Variants in THRB observed in about 807,000 individuals in gnomAD.
THRB encodes thyroid hormone receptor beta.
THRB carries 12 observed loss-of-function variants against 47.8 expected under a neutral mutation model. The ratio of observed to expected loss-of-function variants is 0.25; its 90% CI spans 0.16 to 0.41. The LOEUF (loss-of-function observed/expected upper bound fraction) is 0.41, where lower values mean the gene tolerates loss of function less well. Ranked by LOEUF, THRB falls within the 10% of genes least tolerant of loss-of-function variation. THRB has a pLI of 1.00. For missense variants in THRB, 348 were observed against 589.2 expected, an observed-to-expected ratio of 0.59 and a Z score of 4.24; for synonymous variants, 218 against 212.2, an observed-to-expected ratio of 1.03 and a Z score of -0.24.
chr3:24,494,959 G>A (rs1332259639), upstream of THRB: 2 of 152,414 alleles, frequency 1.3e-5, no homozygotes, highest in Non-Finnish European at 2.9e-5. Context: ...CCTGCAAAAT[G>A]TCAACTCCTT....
chr3:24,178,177 C>A (rs1360333442), intron 5 of THRB, among the ~76,000 whole-genome samples: 2 of 152,164 alleles, frequency 1.3e-5, no homozygotes, highest in Non-Finnish European at 2.9e-5. Flanking sequence ...GCCAGCTCAC[C>A]AGTAAAGATC....
At chr3:24,195,365 T>C (rs2043834614) in intron 4 of THRB, among the ~76,000 whole-genome samples, 2 of 152,242 alleles carry the variant, frequency 1.3e-5, no homozygotes, top group African/African-American at 4.8e-5. Context: ...GTTCTCCTTA[T>C]CGCCCTTAGT....
intron 1 of THRB, among the ~76,000 whole-genome samples, chr3:24,481,320 G>GAC (rs61321734): frequency 0.03 from 4,320 of 145,836 alleles, 201 homozygotes; most frequent in African/African-American, 0.11. Context: ...TATAATGCAG[G>GAC]ACAGCAGGGC....
chr3:24,409,618 C>T (rs1390836490), intron 1 of THRB, among the ~76,000 whole-genome samples: 2 of 151,740 alleles, frequency 1.3e-5, no homozygotes, highest in African/African-American at 4.8e-5. Context: ...ATTAAATGAA[C>T]TAATCCATGA....
At chr3:24,394,275 G>C (rs1213802421) in intron 1 of THRB, among the ~76,000 whole-genome samples, 1 of 152,114 alleles carries the variant, frequency 6.6e-6, no homozygotes, top group Non-Finnish European at 1.5e-5. Context: ...CCCCTCTTAA[G>C]CCAGGAGTGC....
chr3:24,276,356 CCAAA>C (rs2053914935), intron 3 of THRB, among the ~76,000 whole-genome samples: 1 of 152,150 alleles, frequency 6.6e-6, no homozygotes, highest in Admixed American at 6.6e-5. Context: ...AATGCATTCA[CCAAA>C]CATTTATTAA....
chr3:24,118,973 GTTTTTTTTTTTTT>G lies in THRB; in HGVS notation c.*3898_*3910del, dbSNP rs559325556. 5.0e-4 allele frequency: 25 copies of G among 49,530 alleles called. No homozygotes were observed. The highest frequency in any genetic ancestry group is 1.7e-3 in the East Asian group (2 of 1,180). The allele number at this position is 49,530 out of a possible 1,614,324, so 3.1% of individuals were successfully genotyped here. A position where few individuals can be genotyped will look rare whatever the true frequency, so the allele number is the denominator to read the frequency against. On this transcript the variant is annotated 3_prime_UTR_variant, in exon 11 of 11. Transcript: ENST00000646209. ...GCCAAACCTTTTTTCCCCCAGTCTG[GTTTTTTTTTTTTT>G]TTTTTTTTTTTTTTTTTGAGTGTGT...
At chr3:24,393,477 T>C (rs567129633) in intron 1 of THRB, among the ~76,000 whole-genome samples, 2 of 152,236 alleles carry the variant, frequency 1.3e-5, no homozygotes, top group African/African-American at 4.8e-5. Flanking sequence ...CCCATAAATA[T>C]CTGCATAAAC....
chr3:24,433,389 T>C (rs531142756), intron 1 of THRB, among the ~76,000 whole-genome samples: 30 of 152,174 alleles, frequency 2.0e-4, no homozygotes, highest in Admixed American at 1.6e-3. Flanking sequence ...TATGTGATGA[T>C]GGAAGCATAG....
In THRB at chr3:24,329,735, T is replaced by C. The variant is rs553834041; in HGVS notation, c.-189+7565A>G. 4.6e-5 allele frequency among the ~76,000 whole-genome samples: 7 copies of C among 152,330 alleles called. No homozygotes were observed. The East Asian group carries it at 7.7e-4, about 17-fold the overall frequency. On this transcript the variant is annotated intron_variant, in intron 2 of 10. Transcript: ENST00000646209. ...GACACATTTATATAACAGACATTTGTTTAATGAAAGAAAAAGTGAGCAATC... is the reference window on the plus strand; with the variant it reads ...GACACATTTATATAACAGACATTTGCTTAATGAAAGAAAAAGTGAGCAATC...
At chr3:24,364,402 C>G (rs1262594066) in intron 1 of THRB, among the ~76,000 whole-genome samples, 1 of 152,116 alleles carries the variant, frequency 6.6e-6, no homozygotes, top group African/African-American at 2.4e-5. Flanking sequence ...ATGTCAGGCA[C>G]TTTATATTTT....
chr3:24,407,403 A>C (rs1488065294), intron 1 of THRB, among the ~76,000 whole-genome samples: 1 of 151,776 alleles, frequency 6.6e-6, no homozygotes, highest in African/African-American at 2.4e-5. Flanking sequence ...TTCATTCCCA[A>C]ACATATTTTC....
chr3:24,391,775 T>C (rs1168390978), intron 1 of THRB, among the ~76,000 whole-genome samples: 1 of 152,144 alleles, frequency 6.6e-6, no homozygotes, highest in East Asian at 1.9e-4. Flanking sequence ...AACTGCCCCA[T>C]CATTGTCATC....
intron 4 of THRB, among the ~76,000 whole-genome samples, chr3:24,216,372 A>G (rs1304687366): frequency 3.3e-5 from 5 of 152,160 alleles, no homozygotes; most frequent in Non-Finnish European, 7.3e-5. Context: ...TTGGGAGGCC[A>G]AGGCAGCCAG....
Position 24,442,676 on chromosome 3 carries a change from T to G in THRB, c.-261+51976A>C, listed in dbSNP as rs142549680. ...CCTTCTCTACTAAAAAATACAAAAGTAGCCAGGTGTAGTGGCGCATGCCTG... is the reference window on the plus strand; with the variant it reads ...CCTTCTCTACTAAAAAATACAAAAGGAGCCAGGTGTAGTGGCGCATGCCTG... On this transcript the variant is annotated intron_variant, in intron 1 of 10. Transcript: ENST00000646209. Among the ~76,000 whole-genome samples, 1,441 of 151,840 alleles carry G rather than the reference T, an allele frequency of 9.5e-3. 23 individuals carry two copies. Among genetic ancestry groups the G allele is most frequent in the African/African-American group, 0.033 (1,357 of 41,384 alleles).
At chr3:24,298,234 T>C (rs1035002084) in intron 2 of THRB, among the ~76,000 whole-genome samples, 1 of 152,150 alleles carries the variant, frequency 6.6e-6, no homozygotes, top group Non-Finnish European at 1.5e-5. Flanking sequence ...TGAAAGTGAG[T>C]GCCTTGAGAA....
chr3:24,261,147 T>TGGCC lies in THRB; in HGVS notation c.-42-32150_-42-32147dup, dbSNP rs765200620. ...CTCCTTTACCTCTTGCCTCATTACT[T>TGGCC]GGCCCTTCTTTACTTGGCCATCCTG... On this transcript the variant is annotated intron_variant, in intron 3 of 10. Transcript: ENST00000646209. Among the ~76,000 whole-genome samples the TGGCC allele has an allele frequency of 5.9e-5, 9 of 152,196 alleles. No homozygotes were observed. In the South Asian group the frequency reaches 1.5e-3, roughly 25 times the overall value.
In THRB at chr3:24,344,546, A is replaced by G. The variant is rs115796294; in HGVS notation, c.-260-7175T>C. On this transcript the variant is annotated intron_variant, in intron 1 of 10. Transcript: ENST00000646209. ...AGAAACAAATAACATTTGGAAAACTATCTATATAGAAAAATATTCTCACAA... is the reference window on the plus strand; with the variant it reads ...AGAAACAAATAACATTTGGAAAACTGTCTATATAGAAAAATATTCTCACAA... Among the ~76,000 whole-genome samples the G allele has an allele frequency of 3.6e-3, 542 of 152,220 alleles. 2 individuals are homozygous for G. The highest frequency in any genetic ancestry group is 0.012 in the African/African-American group (501 of 41,554).
chr3:24,364,985 T>G (rs1392080099), intron 1 of THRB, among the ~76,000 whole-genome samples: 1 of 152,200 alleles, frequency 6.6e-6, no homozygotes, highest in African/African-American at 2.4e-5. Flanking sequence ...TTCAAAAATC[T>G]TATGCACTTA....
Sources: allele counts gnomAD v4.1 joint callset (sites outside exome capture counted in the v4.1 genomes callset), GRCh38; gene constraint gnomAD v4.1.1; transcripts MANE v1.5; gene names NCBI Gene and HGNC (gene_info 2026-07-23, HGNC 2026-07-21).